NME8: variants seen among roughly 807,000 people sequenced by gnomAD.
NME8 encodes NME/NM23 family member 8.
A neutral mutation model predicts 82.3 loss-of-function variants in NME8; 72 were observed. The ratio of observed to expected loss-of-function variants is 0.87; its 90% CI spans 0.72 to 1.06. The LOEUF is 1.06. Ranked by LOEUF, NME8 falls within the 50% of genes least tolerant of loss-of-function variation. The pLI, the probability that NME8 is intolerant of heterozygous loss-of-function variation, is 0.00. For synonymous variants in NME8, 267 were observed against 228.5 expected (o/e 1.17, Z -1.52); for missense variants, 712 against 685.4 (o/e 1.04, Z -0.43).
chr7:37,893,197 A>G (rs1441348582), intron 15 of NME8, among the ~76,000 whole-genome samples: 1 of 152,086 alleles, frequency 6.6e-6, no homozygotes, highest in Non-Finnish European at 1.5e-5. Context: ...TAAGAACTGT[A>G]AGAGACTTTT....
intron 6 of NME8, among the ~76,000 whole-genome samples, chr7:37,860,634 C>T (rs950600368): frequency 6.6e-6 from 1 of 152,152 alleles, no homozygotes; most frequent in Non-Finnish European, 1.5e-5. Flanking sequence ...AAAATTTCCT[C>T]TACACACAGT....
chr7:37,868,699 C>T (rs1250025551), intron 11 of NME8, among the ~76,000 whole-genome samples: 2 of 152,102 alleles, frequency 1.3e-5, no homozygotes, highest in Non-Finnish European at 2.9e-5. Flanking sequence ...CATGTATAAT[C>T]CCTGCCAACT....
At chr7:37,860,691 A>G (rs1001259078) in intron 6 of NME8, among the ~76,000 whole-genome samples, 3 of 152,176 alleles carry the variant, frequency 2.0e-5, no homozygotes, top group African/African-American at 7.2e-5. Flanking sequence ...TTACATCTTC[A>G]GCTGAATGCT....
At chr7:37,886,859 A>C (rs1002132533) in intron 14 of NME8, among the ~76,000 whole-genome samples, 1 of 130,482 alleles carries the variant, frequency 7.7e-6, no homozygotes, top group African/African-American at 2.6e-5. Flanking sequence ...CAAGGTGATA[A>C]GGCAAAAAAA....
intron 6 of NME8, among the ~76,000 whole-genome samples, chr7:37,860,504 A>G (rs946856286): frequency 6.6e-6 from 1 of 152,184 alleles, no homozygotes; most frequent in Non-Finnish European, 1.5e-5. Context: ...CTTTTGGCTT[A>G]TGTGACTTGG....
At position 37,876,813 on chromosome 7, in the gene NME8, A is replaced by G; in HGVS notation, c.819-19A>G. The G allele has an allele frequency of 6.4e-7, 1 of 1,562,642 alleles. No homozygotes were observed. Among genetic ancestry groups the G allele is most frequent in the Non-Finnish European group, 8.8e-7 (1 of 1,135,412 alleles). ...CCTCAGTTTATAATAATCTTAAATT[A>G]TATTTTGGATTTTGACAGTTTACAA... On this transcript the variant is annotated intron_variant, in intron 11 of 17. Transcript: ENST00000199447.
In NME8 at chr7:37,857,299, T is replaced by C. The variant is rs541494396; in HGVS notation, c.224T>C (p.Leu75Ser). The C allele has an allele frequency of 5.1e-5, 83 of 1,611,792 alleles. No homozygotes were observed. The East Asian group carries it at 1.7e-3, about 33-fold the overall frequency. The stretch of plus-strand genomic sequence containing the variant: ...GCAGAAGCTGACAACATTGTGACTT[T>C]GCAGCCATTTAGAGATAAATGTGAA... ...AVAEADNIVT[L>S]QPFRDKCEPV... Residue 75 changes from leucine (L) to serine (S), a missense_variant, in exon 6 of 18, where the codon TTG (leucine) becomes TCG (serine). Coordinates refer to ENST00000199447, the MANE Select transcript of NME8 (RefSeq NM_016616.5).
intron 2 of NME8, among the ~76,000 whole-genome samples, chr7:37,849,685 C>T (rs894718099): frequency 1.4e-4 from 22 of 151,858 alleles, no homozygotes; most frequent in African/African-American, 5.1e-4. Context: ...CTGGTTAACA[C>T]GGTGAAATTC....
intron 11 of NME8, among the ~76,000 whole-genome samples, chr7:37,875,087 G>A (rs543950388): frequency 1.3e-5 from 2 of 152,262 alleles, no homozygotes; most frequent in South Asian, 4.1e-4. Context: ...CCAATAGTTT[G>A]AAACCATCCA....
chr7:37,867,744 A>G lies in NME8; in HGVS notation c.664A>G (p.Ser222Gly), dbSNP rs781733467. The G allele has an allele frequency of 1.2e-6, 2 of 1,613,708 alleles. No homozygotes were observed. Among genetic ancestry groups the G allele is most frequent in the South Asian group, 2.2e-5 (2 of 91,078 alleles). The change falls in exon 11 of 18, where the codon AGC (serine) becomes GGC (glycine). Residue 222 changes from serine (S) to glycine (G), a missense_variant. By Grantham distance (56) the Ser-to-Gly change is moderately conservative. Transcript: ENST00000199447. Reference protein sequence around the residue: ...EFVSFMTSGLSYILVVSQGSK... With the variant: ...EFVSFMTSGLGYILVVSQGSK... ...TGTCTCTTTTATGACAAGTGGCTTAAGCTATATTCTAGTTGTATCTCAAGG... is the reference window on the plus strand; with the variant it reads ...TGTCTCTTTTATGACAAGTGGCTTAGGCTATATTCTAGTTGTATCTCAAGG...
chr7:37,895,194 A>G (rs1429457842), intron 16 of NME8, among the ~76,000 whole-genome samples: 2 of 152,194 alleles, frequency 1.3e-5, no homozygotes, highest in African/African-American at 2.4e-5. Flanking sequence ...CTATGTATAC[A>G]TAATAACATA....
Position 37,854,297 on chromosome 7 carries a change from A to G in NME8, c.199-2977A>G, listed in dbSNP as rs374845270. ...ATGCATTAAGTGGAAGTGGATTACC[A>G]TAAAATTCTTCATCCTCATCATCTT... On this transcript the variant is annotated intron_variant, in intron 5 of 17. Coordinates refer to ENST00000199447, the MANE Select transcript of NME8 (RefSeq NM_016616.5). Among the ~76,000 whole-genome samples, 303 of 152,286 alleles carry G rather than the reference A, an allele frequency of 2.0e-3. 1 individual carries two copies. The highest frequency in any genetic ancestry group is 7.0e-3 in the African/African-American group (292 of 41,560).
intron 11 of NME8, among the ~76,000 whole-genome samples, chr7:37,875,168 G>A (rs1252736776): frequency 6.6e-6 from 1 of 152,130 alleles, no homozygotes; most frequent in Non-Finnish European, 1.5e-5. Context: ...GACAAAAGAG[G>A]TTGAGTCGCT....
At chr7:37,887,223 T>A (rs983338937) in intron 14 of NME8, among the ~76,000 whole-genome samples, 9 of 152,176 alleles carry the variant, frequency 5.9e-5, no homozygotes, top group Non-Finnish European at 1.3e-4. Context: ...AACTGTCTAA[T>A]GTGGATGGTC....
At chr7:37,892,326 G>T (rs1785141664) in intron 15 of NME8, among the ~76,000 whole-genome samples, 1 of 150,544 alleles carries the variant, frequency 6.6e-6, no homozygotes, top group Non-Finnish European at 1.5e-5. Context: ...TATTAGTTCT[G>T]TTCCATTGTT....
intron 12 of NME8, among the ~76,000 whole-genome samples, chr7:37,882,875 A>C (rs952080560): frequency 6.6e-5 from 10 of 152,212 alleles, no homozygotes. Flanking sequence ...ACATAGTGCA[A>C]GCAAAATAAA....
chr7:37,862,003 C>A, intron 6 of NME8, 25 bp from the exon 7 acceptor site: 1 of 1,435,882 alleles, frequency 7.0e-7, no homozygotes, highest in South Asian at 1.1e-5. Flanking sequence ...TGAAAGTTCC[C>A]CTCCTGTTTT....
At chr7:37,882,597 A>AAGAAAGAAAGAAAGAAAGAAAG (rs1554365622) in intron 12 of NME8, among the ~76,000 whole-genome samples, 33 of 83,042 alleles carry the variant, frequency 4.0e-4, no homozygotes, top group Admixed American at 8.1e-4. Flanking sequence ...GAAAGAAAGA[A>AAGAAAGAAAGAAAGAAAGAAAG]AGAGAGAGAG....
At chr7:37,849,428 T>C (rs1049053252) in intron 2 of NME8, among the ~76,000 whole-genome samples, 1 of 152,158 alleles carries the variant, frequency 6.6e-6, no homozygotes, top group Non-Finnish European at 1.5e-5. Context: ...GCTTCAGGAC[T>C]GTTGGGAGGA....
Sources: allele counts gnomAD v4.1 joint callset (sites outside exome capture counted in the v4.1 genomes callset), GRCh38; gene constraint gnomAD v4.1.1; transcripts MANE v1.5; gene names NCBI Gene and HGNC (gene_info 2026-07-23, HGNC 2026-07-21).